Variants in DYSF observed in about 807,000 individuals in gnomAD.
DYSF encodes dystrophy-associated fer-1-like 1.
DYSF carries 212 observed loss-of-function variants against 274.9 expected under a neutral mutation model. The ratio of observed to expected loss-of-function variants is 0.77; its 90% CI spans 0.69 to 0.86. The LOEUF (loss-of-function observed/expected upper bound fraction) is 0.86. DYSF is among the 40% of genes least tolerant of loss of function. DYSF has a pLI of 0.00. For synonymous variants in DYSF, 1,091 were observed against 1,078.7 expected (o/e 1.01, Z -0.22); for missense variants, 2,666 against 2,783.2 (o/e 0.96, Z 0.95).
At position 71,503,326 on chromosome 2, in the gene DYSF, G is replaced by A; in HGVS notation, c.345+7G>A. On this transcript the variant is annotated splice_region_variant and intron_variant, in intron 4 of 55. Coordinates refer to ENST00000410020, the MANE Select transcript of DYSF (RefSeq NM_001130987.2). ...CAAGAAGCAGCCCACAGGGGTAAGT[G>A]CCCATCAGCCTCTGCCAGGTTAAGG... 6.2e-7 allele frequency: 1 copy of A among 1,614,002 alleles called. No homozygotes were observed. Among genetic ancestry groups the A allele is most frequent in the Non-Finnish European group, 8.5e-7 (1 of 1,179,878 alleles).
intron 4 of DYSF, among the ~76,000 whole-genome samples, chr2:71,505,836 C>G (rs1322540260): frequency 6.6e-6 from 1 of 152,234 alleles, no homozygotes; most frequent in African/African-American, 2.4e-5. Context: ...AAGCCAGAAT[C>G]GGATCACAAA....
At chr2:71,613,271 CTGG>C in intron 39 of DYSF, 60 bp from the exon 40 acceptor site, 4 of 1,488,892 alleles carry the variant, frequency 2.7e-6, no homozygotes, top group Admixed American at 1.9e-5. Flanking sequence ...AGCCCTGGGG[CTGG>C]TGAGGGGCGA....
intron 51 of DYSF, among the ~76,000 whole-genome samples, chr2:71,673,398 G>A (rs552061228): frequency 1.3e-5 from 2 of 152,264 alleles, no homozygotes; most frequent in South Asian, 4.1e-4. Flanking sequence ...GAGGTGGGGT[G>A]GGGAGAGAAG....
chr2:71,674,133 A>G, intron 51 of DYSF, 64 bp from the exon 52 acceptor site: 1 of 1,498,792 alleles, frequency 6.7e-7, no homozygotes, highest in Non-Finnish European at 9.3e-7. Context: ...CCAGGCTGGA[A>G]GGGAACACTG....
At position 71,634,182 on chromosome 2, in the gene DYSF, GT is replaced by G. The variant is rs1190851029; in HGVS notation, c.4528-9779del. 4.6e-5 allele frequency among the ~76,000 whole-genome samples: 7 copies of G among 152,280 alleles called. No individual in the cohort carries two copies. The East Asian group carries it at 1.3e-3, about 29-fold the overall frequency. ...TGAACCTTGAGCATGGGGGAGTGGT[GT>G]TTTAATGGCCAGACTTCTTGTTAAA... is the stretch of plus-strand genomic sequence containing the variant. On this transcript the variant is annotated intron_variant, in intron 41 of 55. Coordinates refer to ENST00000410020, the MANE Select transcript of DYSF (RefSeq NM_001130987.2).
chr2:71,484,805 ACCAGG>A (rs147318221), intron 3 of DYSF, among the ~76,000 whole-genome samples: 16,786 of 152,252 alleles, frequency 0.11, 1,210 homozygotes, highest in African/African-American at 0.19. Context: ...CAATTCAAGG[ACCAGG>A]CTAGCCCTCA....
At chr2:71,631,291 A>G (rs1236646252) in intron 41 of DYSF, among the ~76,000 whole-genome samples, 1 of 152,196 alleles carries the variant, frequency 6.6e-6, no homozygotes, top group Non-Finnish European at 1.5e-5. Context: ...TTTTACCTGT[A>G]CTTTTGTACA....
rs149627000 is a variant in DYSF, at chr2:71,483,711, G to A, written c.239+1741G>A. ...TTCCCATCAGTTAGGCACGACTATT[G>A]TAACTGTCACCGTTACAGATGGGGA... On this transcript the variant is annotated intron_variant, in intron 3 of 55. Coordinates refer to ENST00000410020, the MANE Select transcript of DYSF (RefSeq NM_001130987.2). Among the ~76,000 whole-genome samples, 85 of 152,308 alleles carry A rather than the reference G, an allele frequency of 5.6e-4. 1 individual carries two copies. Among genetic ancestry groups the A allele is most frequent in the Non-Finnish European group, 1.0e-3 (69 of 68,026 alleles).
chr2:71,524,551 C>T (rs1042340629), intron 12 of DYSF, among the ~76,000 whole-genome samples: 3 of 152,188 alleles, frequency 2.0e-5, no homozygotes, highest in Non-Finnish European at 2.9e-5. Flanking sequence ...CAGGTTTCTA[C>T]GTGTCAAGTG....
chr2:71,571,669 AC>A (rs2092466563), intron 29 of DYSF, among the ~76,000 whole-genome samples: 1 of 134,992 alleles, frequency 7.4e-6, no homozygotes, highest in South Asian at 2.5e-4. Context: ...CACACCCAGC[AC>A]ACCCACAGAT....
intron 47 of DYSF, among the ~76,000 whole-genome samples, chr2:71,666,660 C>G (rs573371439): frequency 1.3e-5 from 2 of 152,204 alleles, no homozygotes; most frequent in Non-Finnish European, 2.9e-5. Context: ...TTGACCCATT[C>G]CCTAGCAGGG....
At chr2:71,558,340 C>T (rs1222019924) in intron 22 of DYSF, among the ~76,000 whole-genome samples, 1 of 152,180 alleles carries the variant, frequency 6.6e-6, no homozygotes, top group Non-Finnish European at 1.5e-5. Flanking sequence ...TGTGAGGAAG[C>T]TGGCCTGTGG....
rs567102969 is a variant in DYSF at position 71,681,933 on chromosome 2, G to C, written c.6174-597G>C. On this transcript the variant is annotated intron_variant, in intron 54 of 55. Transcript: ENST00000410020. ...TGCTGGGATCTGCACAGGAAGAAAA[G>C]AGAGACCCGTGAGACACCAGTGTGC... is the stretch of plus-strand genomic sequence containing the variant. Among the ~76,000 whole-genome samples, 78 of 152,304 alleles carry C rather than the reference G, an allele frequency of 5.1e-4. 1 individual carries two copies. The South Asian group carries it at 7.3e-3, about 14-fold the overall frequency.
At chr2:71,666,819 A>G (rs1444035772) in intron 47 of DYSF, among the ~76,000 whole-genome samples, 4 of 152,346 alleles carry the variant, frequency 2.6e-5, no homozygotes, top group Middle Eastern at 3.4e-3. Flanking sequence ...TAAAATGGGG[A>G]TAATAACAGC....
chr2:71,591,506 A>G (rs146388995), intron 32 of DYSF, among the ~76,000 whole-genome samples: 2 of 152,362 alleles, frequency 1.3e-5, no homozygotes, highest in East Asian at 1.9e-4. Context: ...TGCTGACACT[A>G]TTTCATGTAA....
At position 71,613,347 on chromosome 2, in the gene DYSF, A is replaced by G; in HGVS notation, c.4401A>G (p.Leu1467=). 6.2e-7 allele frequency: 1 copy of G among 1,613,072 alleles called. No individual in the cohort carries two copies. The highest frequency in any genetic ancestry group is 8.5e-7 in the Non-Finnish European group (1 of 1,179,680). Residue 1467 remains leucine, a synonymous_variant, in exon 40 of 56, where the codon CTA becomes CTG. Transcript: ENST00000410020. ...CCTCCCCTGCAGACGATGTGAGCCT[A>G]CTCAGTCCTGGGGAAGACGTGCTCA... ...SPQGGPDDVS[L]LSPGEDVLID...
At chr2:71,532,713 CCTT>C (rs1456369825) in intron 14 of DYSF, among the ~76,000 whole-genome samples, 1 of 152,020 alleles carries the variant, frequency 6.6e-6, no homozygotes. Context: ...GCAGCCTGTG[CCTT>C]CTTATTCCAG....
At chr2:71,645,685 C>T (rs116915606) in intron 42 of DYSF, among the ~76,000 whole-genome samples, 1,847 of 151,998 alleles carry the variant, frequency 0.012, 27 homozygotes, top group African/African-American at 0.028. Flanking sequence ...GCCAGGGACA[C>T]CGTCCTCCTC....
intron 17 of DYSF, among the ~76,000 whole-genome samples, chr2:71,544,462 T>C (rs2090299249): frequency 6.7e-6 from 1 of 148,422 alleles, no homozygotes; most frequent in Non-Finnish European, 1.5e-5. Flanking sequence ...AAATGTTCTT[T>C]TTTTTTTTTT....
Sources: allele counts gnomAD v4.1 joint callset (sites outside exome capture counted in the v4.1 genomes callset), GRCh38; gene constraint gnomAD v4.1.1; transcripts MANE v1.5; gene names NCBI Gene and HGNC (gene_info 2026-07-23, HGNC 2026-07-21).